KIRREL3: variants seen among roughly 807,000 people sequenced by gnomAD.
KIRREL3 encodes kin of IRRE-like protein 3.
In KIRREL3, 36 loss-of-function variants were observed where a neutral mutation model predicts 89.7. The ratio of observed to expected loss-of-function variants is 0.40; its 90% CI spans 0.31 to 0.53. The LOEUF (loss-of-function observed/expected upper bound fraction) is 0.53, where lower values mean the gene tolerates loss of function less well. KIRREL3 is among the 20% of genes least tolerant of loss of function. The probability of loss-of-function intolerance (pLI) is 0.49; values close to 1 mark genes in which losing one functional copy is unlikely to be tolerated. For missense variants in KIRREL3, 864 were observed against 1,056.6 expected, an observed-to-expected ratio of 0.82 and a Z score of 2.53; for synonymous variants, 445 against 441.4, an observed-to-expected ratio of 1.01 and a Z score of -0.10.
At chr11:126,832,690 C>T (rs1007532892) in intron 1 of KIRREL3, among the ~76,000 whole-genome samples, 1 of 152,192 alleles carries the variant, frequency 6.6e-6, no homozygotes, top group Admixed American at 6.5e-5. Flanking sequence ...TGGCCTTGGA[C>T]TTGCACGCTG....
At chr11:126,497,152 G>A (rs1201990030) in intron 4 of KIRREL3, among the ~76,000 whole-genome samples, 1 of 151,928 alleles carries the variant, frequency 6.6e-6, no homozygotes, top group African/African-American at 2.4e-5. Flanking sequence ...GAGCGAGAGA[G>A]TGTGAGAGTG....
At chr11:126,599,712 C>T (rs1404958632) in intron 1 of KIRREL3, among the ~76,000 whole-genome samples, 1 of 152,212 alleles carries the variant, frequency 6.6e-6, no homozygotes, top group Non-Finnish European at 1.5e-5. Context: ...TCTCCAGAAA[C>T]TCCCTCATCT....
rs1018025090 is a variant in KIRREL3, at chr11:126,918,723, CT to C, written c.55+81731del. 1.3e-5 allele frequency among the ~76,000 whole-genome samples: 2 copies of C among 152,166 alleles called. No individual in the cohort carries two copies. The highest frequency in any genetic ancestry group is 4.8e-5 in the African/African-American group (2 of 41,422). On this transcript the variant is annotated intron_variant, in intron 1 of 16. Transcript: ENST00000525144. This position sits in a 1 kb window ranked among gnomAD's most constrained non-coding sequence, Gnocchi z 6.5. The stretch of plus-strand genomic sequence containing the variant: ...ACATTACTAATCAAGGATAGTTCCC[CT>C]TTTCAAAATCTTTTCCTGCATTGGA...
chr11:126,829,843 T>G (rs568144613), intron 1 of KIRREL3, among the ~76,000 whole-genome samples: 1 of 151,942 alleles, frequency 6.6e-6, no homozygotes, highest in Non-Finnish European at 1.5e-5. Flanking sequence ...TGTAACAGAG[T>G]CAGACAAGTG....
chr11:126,456,951 G>C (rs932165404), intron 6 of KIRREL3, among the ~76,000 whole-genome samples: 1 of 152,210 alleles, frequency 6.6e-6, no homozygotes, highest in Non-Finnish European at 1.5e-5. Context: ...AGTCCTGGCT[G>C]GTGGCGCACG....
chr11:126,871,538 G>A (rs1945109746), intron 1 of KIRREL3, among the ~76,000 whole-genome samples: 1 of 152,166 alleles, frequency 6.6e-6, no homozygotes. Context: ...TCTGAATAAA[G>A]CTGAAAGTAG....
chr11:126,971,528 A>G (rs1446096380), intron 1 of KIRREL3, among the ~76,000 whole-genome samples: 2 of 152,108 alleles, frequency 1.3e-5, no homozygotes, highest in Non-Finnish European at 2.9e-5. Flanking sequence ...TGAGTTCGGC[A>G]CCCATAAAAA....
Position 126,999,642 on chromosome 11 carries a change from C to T in KIRREL3, c.55+813G>A, listed in dbSNP as rs522686. 0.33 allele frequency among the ~76,000 whole-genome samples: 50,298 copies of T among 151,974 alleles called. 10,935 individuals carry two copies. The highest frequency in any genetic ancestry group is 0.6 in the African/African-American group (24,985 of 41,416). ...ACAGGTGACTTTTGATGCCTTTGGC[C>T]AACTAGGCACTCACATTCCCTCTCC... On this transcript the variant is annotated intron_variant, in intron 1 of 16. Coordinates refer to ENST00000525144, the MANE Select transcript of KIRREL3 (RefSeq NM_032531.4). The surrounding 1 kb of genome is among the most constrained non-coding windows in gnomAD (Gnocchi z 5.7).
At chr11:126,957,364 T>A (rs1948954504) in intron 1 of KIRREL3, among the ~76,000 whole-genome samples, 1 of 152,252 alleles carries the variant, frequency 6.6e-6, no homozygotes, top group Non-Finnish European at 1.5e-5. Context: ...CTTGGGCAGG[T>A]TGGAAATTGA....
At chr11:126,451,425 A>AT (rs1416857620) in intron 7 of KIRREL3, among the ~76,000 whole-genome samples, 34 of 114,652 alleles carry the variant, frequency 3.0e-4, no homozygotes, top group Non-Finnish European at 1.8e-5. Flanking sequence ...TGCATGTGTG[A>AT]GCGTGTGCAT....
intron 1 of KIRREL3, among the ~76,000 whole-genome samples, chr11:126,894,003 A>G (rs1200428101): frequency 7.2e-5 from 11 of 152,168 alleles, no homozygotes; most frequent in African/African-American, 2.7e-4. Flanking sequence ...CGGGTATGAC[A>G]GTGTTGAGAT....
At chr11:126,633,496 G>A (rs508165) in intron 1 of KIRREL3, among the ~76,000 whole-genome samples, 121,907 of 151,984 alleles carry the variant, frequency 0.8, 48,996 homozygotes, top group South Asian at 0.83. Flanking sequence ...CTCATTCTTC[G>A]TTCCCACAAG....
In KIRREL3 at chr11:126,627,070, T is replaced by G. The variant is rs1044559148; in HGVS notation, c.56-64158A>C. On this transcript the variant is annotated intron_variant, in intron 1 of 16. Transcript: ENST00000525144. This position sits in a 1 kb window ranked among gnomAD's most constrained non-coding sequence, Gnocchi z 5.0. ...AGCCTCAAAGGAAGGTGTGTGTGCA[T>G]GCATGTGTGTGTATGTGTGTGTGAA... is the stretch of plus-strand genomic sequence containing the variant. Among the ~76,000 whole-genome samples the G allele has an allele frequency of 2.0e-5, 3 of 151,416 alleles. No homozygotes were observed. The highest frequency in any genetic ancestry group is 4.9e-5 in the African/African-American group (2 of 41,228).
chr11:126,590,562 C>T (rs573440458), intron 1 of KIRREL3, among the ~76,000 whole-genome samples: 9 of 152,098 alleles, frequency 5.9e-5, no homozygotes, highest in South Asian at 2.1e-4. Context: ...ACACAGCAGA[C>T]GAAAGAGAAC....
Position 126,997,352 on chromosome 11 carries a change from G to A in KIRREL3, c.55+3103C>T, listed in dbSNP as rs1950205571. On this transcript the variant is annotated intron_variant, in intron 1 of 16. Transcript: ENST00000525144. This position sits in a 1 kb window ranked among gnomAD's most constrained non-coding sequence, Gnocchi z 4.3. Reference sequence around the variant, plus strand: ...AGCATGACCGTCCTGACAGCTGAGGGAAGAGGCATCCACGGCAAGGGAGAA... The same window carrying A: ...AGCATGACCGTCCTGACAGCTGAGGAAAGAGGCATCCACGGCAAGGGAGAA... Among the ~76,000 whole-genome samples, 1 of 152,192 alleles carries A rather than the reference G, an allele frequency of 6.6e-6. No homozygotes were observed. Among genetic ancestry groups the A allele is most frequent in the Non-Finnish European group, 1.5e-5 (1 of 68,032 alleles).
chr11:126,775,539 C>G (rs1036942305), intron 1 of KIRREL3, among the ~76,000 whole-genome samples: 2 of 152,170 alleles, frequency 1.3e-5, no homozygotes, highest in African/African-American at 4.8e-5. Context: ...CCAGCTCCCC[C>G]AGTTCATCTT....
At chr11:126,540,827 C>T (rs1938308990) in intron 2 of KIRREL3, among the ~76,000 whole-genome samples, 2 of 152,234 alleles carry the variant, frequency 1.3e-5, no homozygotes, top group Non-Finnish European at 2.9e-5. Flanking sequence ...AGCAGAGACC[C>T]TGGCTGTGGT....
At chr11:126,506,496 C>T (rs1958019139) in intron 4 of KIRREL3, among the ~76,000 whole-genome samples, 1 of 152,214 alleles carries the variant, frequency 6.6e-6, no homozygotes, top group Non-Finnish European at 1.5e-5. Context: ...CACATCAAAA[C>T]ATGCTCAACA....
chr11:126,880,258 C>G (rs1345789857), intron 1 of KIRREL3, among the ~76,000 whole-genome samples: 1 of 152,188 alleles, frequency 6.6e-6, no homozygotes, highest in Non-Finnish European at 1.5e-5. Flanking sequence ...GAAGATTCTG[C>G]TGGGGACTCT....
Sources: allele counts gnomAD v4.1 joint callset (sites outside exome capture counted in the v4.1 genomes callset), GRCh38; gene constraint gnomAD v4.1.1; non-coding constraint Gnocchi (gnomAD v3.1); transcripts MANE v1.5; gene names NCBI Gene and HGNC (gene_info 2026-07-23, HGNC 2026-07-21).